The following ASIC5 variants were observed in gnomAD, a reference collection of about 807,000 sequenced individuals.
The protein encoded by ASIC5 is acid sensing ion channel subunit family member 5.
A neutral mutation model predicts 51.2 loss-of-function variants in ASIC5; 52 were observed. That is an observed-to-expected ratio of 1.02 (90% CI 0.81 to 1.28). The LOEUF (loss-of-function observed/expected upper bound fraction) is 1.28, where lower values mean the gene tolerates loss of function less well. Among genes scored for constraint, ASIC5 ranks in the 50% most tolerant of loss-of-function variants. ASIC5 has a pLI of 0.00. For missense variants in ASIC5, 635 were observed against 595.0 expected, an observed-to-expected ratio of 1.07 and a Z score of -0.70; for synonymous variants, 231 against 200.7, an observed-to-expected ratio of 1.15 and a Z score of -1.28.
At chr4:155,861,906 A>G (rs551793531) in intron 2 of ASIC5, among the ~76,000 whole-genome samples, 40 of 152,190 alleles carry the variant, frequency 2.6e-4, no homozygotes, top group Non-Finnish European at 4.4e-4. Flanking sequence ...TTATGTAATT[A>G]TATTTGTAAT....
At chr4:155,849,619 C>T (rs1014686310) in intron 4 of ASIC5, among the ~76,000 whole-genome samples, 4 of 151,928 alleles carry the variant, frequency 2.6e-5, no homozygotes, top group Non-Finnish European at 5.9e-5. Flanking sequence ...TCTAGTCTTG[C>T]CCAGTGTTTT....
At chr4:155,859,779 T>C (rs553013288) in intron 2 of ASIC5, among the ~76,000 whole-genome samples, 1 of 152,120 alleles carries the variant, frequency 6.6e-6, no homozygotes, top group African/African-American at 2.4e-5. Context: ...TCTTCTCCCA[T>C]ATATAGAAAA....
intron 2 of ASIC5, among the ~76,000 whole-genome samples, chr4:155,858,211 C>A (rs28462072): frequency 0.1 from 15,654 of 152,010 alleles, 960 homozygotes; most frequent in South Asian, 0.23. Context: ...AAGTCACAAA[C>A]AGTATTACAA....
chr4:155,832,837 C>T (rs1393449275), intron 8 of ASIC5, among the ~76,000 whole-genome samples: 4 of 152,146 alleles, frequency 2.6e-5, no homozygotes, highest in Admixed American at 2.0e-4. Context: ...TGACCTCTCA[C>T]CTGGATTTTT....
intron 7 of ASIC5, among the ~76,000 whole-genome samples, chr4:155,837,651 C>T (rs1480889382): frequency 6.6e-6 from 1 of 152,102 alleles, no homozygotes; most frequent in East Asian, 1.9e-4. Flanking sequence ...GCTTTTCAGA[C>T]TCTAACTTTG....
chr4:155,833,513 A>G (rs1445035908), intron 8 of ASIC5, among the ~76,000 whole-genome samples: 1 of 152,228 alleles, frequency 6.6e-6, no homozygotes, highest in Non-Finnish European at 1.5e-5. Context: ...AGGAGAATGT[A>G]CTATGTTTAA....
intron 9 of ASIC5, among the ~76,000 whole-genome samples, 171 bp from the exon 10 acceptor site, chr4:155,830,217 G>A (rs1449869334): frequency 6.6e-6 from 1 of 152,120 alleles, no homozygotes; most frequent in Non-Finnish European, 1.5e-5. Flanking sequence ...TAATATCAAA[G>A]TGGTATTCAT....
intron 6 of ASIC5, 49 bp downstream of exon 6, chr4:155,842,158 A>C (rs1301035772): frequency 1.3e-6 from 2 of 1,550,466 alleles, no homozygotes; most frequent in East Asian, 2.3e-5. Context: ...ACCCTCTAAG[A>C]AACACTTAAC....
chr4:155,866,136 C>T (rs1741857244), intron 1 of ASIC5, 51 bp downstream of exon 1: 3 of 1,180,668 alleles, frequency 2.5e-6, no homozygotes, highest in South Asian at 2.9e-5. Flanking sequence ...TTACTTCTGG[C>T]CTCTAGAAAT....
chr4:155,835,565 CA>C (rs534277098), intron 8 of ASIC5, among the ~76,000 whole-genome samples: 111 of 152,222 alleles, frequency 7.3e-4, no homozygotes, highest in African/African-American at 2.6e-3. Context: ...TTCTATCAAC[CA>C]AAAGACACAG....
chr4:155,840,696 C>T (rs757850553), intron 6 of ASIC5, among the ~76,000 whole-genome samples: 5 of 151,858 alleles, frequency 3.3e-5, no homozygotes, highest in Non-Finnish European at 7.4e-5. Flanking sequence ...CCCTTCCTGC[C>T]TGGGGACTAG....
intron 4 of ASIC5, among the ~76,000 whole-genome samples, chr4:155,848,723 AC>A (rs1741312288): frequency 6.6e-6 from 1 of 152,072 alleles, no homozygotes; most frequent in South Asian, 2.1e-4. Flanking sequence ...GTTTCTGATA[AC>A]TTTGGAGATT....
rs551148248 is a variant in ASIC5, at chr4:155,842,793, T to C, written c.862-439A>G. ...CAGCTAAAACTGGGCTCTTGTCACA[T>C]GACCAGGAAAAATGAGGCTCGCGGG... On this transcript the variant is annotated intron_variant, in intron 5 of 9. Coordinates refer to ENST00000537611, the MANE Select transcript of ASIC5 (RefSeq NM_017419.3). 5.0e-4 allele frequency among the ~76,000 whole-genome samples: 76 copies of C among 152,150 alleles called. 1 individual carries two copies. Among genetic ancestry groups the C allele is most frequent in the Admixed American group, 4.3e-3 (66 of 15,262 alleles).
At chr4:155,855,859 G>C (rs1741524909) in intron 2 of ASIC5, among the ~76,000 whole-genome samples, 1 of 151,958 alleles carries the variant, frequency 6.6e-6, no homozygotes, top group South Asian at 2.1e-4. Flanking sequence ...TGTCTTTTAT[G>C]TGGAAAATTT....
At chr4:155,843,299 A>G (rs1741162351) in intron 5 of ASIC5, among the ~76,000 whole-genome samples, 1 of 152,112 alleles carries the variant, frequency 6.6e-6, no homozygotes, top group Admixed American at 6.6e-5. Context: ...TTACCGGGCA[A>G]GTAAGTGGCT....
Position 155,829,866 on chromosome 4 carries a change from T to C in ASIC5, c.1508A>G (p.Glu503Gly). Residue 503 changes from glutamate to glycine, a missense_variant, in exon 10 of 10, where the codon GAG (glutamate) becomes GGG (glycine). By Grantham distance (98) the Glu-to-Gly change is moderately conservative (BLOSUM62 -2). Transcript: ENST00000537611. ...QNHLGNKNRI[E>G]EC ...TATTCTAAGTGACCATTAACACTCC[T>C]CTATCCTATTTTTATTTCCCAGATG... 1 of 1,588,916 alleles carries C rather than the reference T, an allele frequency of 6.3e-7. No homozygotes were observed. The highest frequency in any genetic ancestry group is 8.5e-7 in the Non-Finnish European group (1 of 1,169,938).
chr4:155,861,628 C>T (rs1369393408), intron 2 of ASIC5, among the ~76,000 whole-genome samples: 1 of 151,980 alleles, frequency 6.6e-6, no homozygotes, highest in Non-Finnish European at 1.5e-5. Flanking sequence ...TTCTGATAAC[C>T]TTTGCCTTTC....
chr4:155,842,303 G>A lies in ASIC5; in HGVS notation c.913C>T (p.Gln305Ter). 6.2e-7 allele frequency: 1 copy of A among 1,613,502 alleles called. No individual in the cohort carries two copies. The highest frequency in any genetic ancestry group is 8.5e-7 in the Non-Finnish European group (1 of 1,179,646). Reference protein sequence around the residue: ...WGECNPNIKLQNFSSYSTSGC... With the variant: ...WGECNPNIKL Reference sequence around the variant, plus strand: ...GAAGTGCTGTAGCTGCTAAAATTCTGCAGCTTGATGTTAGGATTGCATTCT... The same window carrying A: ...GAAGTGCTGTAGCTGCTAAAATTCTACAGCTTGATGTTAGGATTGCATTCT... Residue 305 changes from glutamine (Q) to a stop codon, truncating the protein, a stop_gained, in exon 6 of 10, where the codon CAG becomes TAG. Transcript: ENST00000537611. LOFTEE classifies it high-confidence loss of function.
chr4:155,865,415 G>A (rs577944454), intron 1 of ASIC5, among the ~76,000 whole-genome samples: 4 of 151,740 alleles, frequency 2.6e-5, no homozygotes, highest in Non-Finnish European at 4.4e-5. Flanking sequence ...AAACATATGC[G>A]AAGAATTTAC....
Sources: allele counts gnomAD v4.1 joint callset (sites outside exome capture counted in the v4.1 genomes callset), GRCh38; gene constraint gnomAD v4.1.1; transcripts MANE v1.5; gene names NCBI Gene and HGNC (gene_info 2026-07-23, HGNC 2026-07-21).